Variants in ANXA5 observed in about 807,000 individuals in gnomAD.
ANXA5 encodes the protein CBP-I.
A neutral mutation model predicts 48.1 loss-of-function variants in ANXA5; 40 were observed. The ratio of observed to expected loss-of-function variants is 0.83; its 90% CI spans 0.65 to 1.08. ANXA5 has a LOEUF of 1.08. ANXA5 is among the 50% of genes least tolerant of loss of function. ANXA5 has a pLI of 0.00. For synonymous variants in ANXA5, 113 were observed against 129.1 expected, an observed-to-expected ratio of 0.88 and a Z score of 0.85; for missense variants, 357 against 376.8, an observed-to-expected ratio of 0.95 and a Z score of 0.44.
chr4:121,696,456 A>G, intron 2 of ANXA5, 125 bp downstream of exon 2: 1 of 870,664 alleles, frequency 1.1e-6, no homozygotes, highest in East Asian at 3.3e-5. Flanking sequence ...AGTGGAAGCG[A>G]TGTCCCCAAA....
intron 6 of ANXA5, chr4:121,681,212 AG>A (rs1254696696): frequency 6.6e-6 from 1 of 152,478 alleles, no homozygotes; most frequent in African/African-American, 2.4e-5. Context: ...CACTGCCATT[AG>A]CTAAGACAAC....
chr4:121,677,392 T>C (rs1724716724), intron 8 of ANXA5, among the ~76,000 whole-genome samples: 1 of 152,214 alleles, frequency 6.6e-6, no homozygotes, highest in Non-Finnish European at 1.5e-5. Context: ...GAAATTTTCA[T>C]TTGGAGTCAC....
At chr4:121,684,023 C>A (rs1203081228) in intron 4 of ANXA5, among the ~76,000 whole-genome samples, 5 of 150,714 alleles carry the variant, frequency 3.3e-5, no homozygotes, top group Non-Finnish European at 5.9e-5. Flanking sequence ...AAAAAAAAAA[C>A]ACAGTATTTC....
In ANXA5 at chr4:121,690,017, CAA is replaced by C. The variant is rs1377072111; in HGVS notation, c.10-3647_10-3646del. Among the ~76,000 whole-genome samples, 3 of 151,984 alleles carry C rather than the reference CAA, an allele frequency of 2.0e-5. No homozygotes were observed. In the East Asian group the frequency reaches 5.8e-4, roughly 29 times the overall value. ...AGCTGGAGGGGGCCACCACGCAAGA[CAA>C]TATTAATGGGGTGGAAAGAGCCAGA... On this transcript the variant is annotated intron_variant, in intron 2 of 12. Transcript: ENST00000296511.
Position 121,671,596 on chromosome 4 carries a change from G to A in ANXA5, c.672C>T (p.Thr224=), listed in dbSNP as rs532847147. The A allele has an allele frequency of 2.4e-5, 39 of 1,613,314 alleles. No individual in the cohort carries two copies. In the East Asian group the frequency reaches 4.7e-4, roughly 19 times the overall value. The change falls in exon 10 of 13, where the codon ACC becomes ACT. Residue 224 remains threonine (T), a synonymous_variant. Coordinates refer to ENST00000296511, the MANE Select transcript of ANXA5 (RefSeq NM_001154.4). ...MTISGFQIEE[T]IDRETSGNLE... ...AATTGCCAGAAGTCTCGCGGTCAAT[G>A]GTTTCCTCAATTTGAAATCCTGATA...
intron 6 of ANXA5, among the ~76,000 whole-genome samples, chr4:121,679,328 C>T (rs904014746): frequency 2.0e-5 from 3 of 152,072 alleles, no homozygotes; most frequent in African/African-American, 2.4e-5. Flanking sequence ...TTCTCCTGTC[C>T]CTGATTTATC....
rs1480024320 is a variant in ANXA5, at chr4:121,669,730, A to G, written c.781-6T>C. The G allele has an allele frequency of 9.9e-7, 1 of 1,006,104 alleles. No individual in the cohort carries two copies. Among genetic ancestry groups the G allele is most frequent in the African/African-American group, 1.8e-5 (1 of 55,394 alleles). 62.3% of individuals were successfully genotyped at this position (1,006,104 alleles called of 1,614,324 possible). On this transcript the variant is annotated splice_region_variant and splice_polypyrimidine_tract_variant and intron_variant, in intron 11 of 12. Coordinates refer to ENST00000296511, the MANE Select transcript of ANXA5 (RefSeq NM_001154.4). ...TGATCATCTGTCCCAGCTCCCTTTAAAAAAAAAAAAAAAGAGAGAAGCAAA... is the reference window on the plus strand; with the variant it reads ...TGATCATCTGTCCCAGCTCCCTTTAGAAAAAAAAAAAAAGAGAGAAGCAAA...
intron 5 of ANXA5, 133 bp from the exon 6 acceptor site, chr4:121,681,894 A>G: frequency 1.7e-6 from 1 of 586,982 alleles, no homozygotes; most frequent in Non-Finnish European, 3.0e-6. Context: ...TTCTTTGTAT[A>G]TGAGTTCTAT....
intron 7 of ANXA5, chr4:121,678,199 A>C: frequency 1.6e-6 from 1 of 608,426 alleles, no homozygotes. Context: ...ACAAGATACT[A>C]CTATCTAAAA....
intron 2 of ANXA5, among the ~76,000 whole-genome samples, chr4:121,693,497 T>G (rs754640245): frequency 2.6e-5 from 4 of 152,222 alleles, no homozygotes; most frequent in Non-Finnish European, 5.9e-5. Flanking sequence ...GTAAAAGCAC[T>G]GTTATATTTT....
At chr4:121,684,367 T>C (rs6842386) in intron 4 of ANXA5, among the ~76,000 whole-genome samples, 146,780 of 152,300 alleles carry the variant, frequency 0.96, 70,974 homozygotes, top group East Asian at 1. Flanking sequence ...ACCTAGAAAA[T>C]GGATAGTAAG....
chr4:121,684,588 G>A (rs1724846856), intron 4 of ANXA5, 89 bp downstream of exon 4: 2 of 1,085,564 alleles, frequency 1.8e-6, no homozygotes, highest in South Asian at 2.9e-5. Flanking sequence ...AATAAATGAT[G>A]CTTACAAAAG....
At chr4:121,691,535 G>T (rs184717035) in intron 2 of ANXA5, among the ~76,000 whole-genome samples, 2,591 of 121,116 alleles carry the variant, frequency 0.021, 31 homozygotes, top group East Asian at 0.08. Context: ...CTCAAATACC[G>T]CACCCTCCCC....
At chr4:121,672,134 C>G (rs1724623637) in intron 9 of ANXA5, among the ~76,000 whole-genome samples, 1 of 152,212 alleles carries the variant, frequency 6.6e-6, no homozygotes, top group Non-Finnish European at 1.5e-5. Context: ...TTTAAAGCCA[C>G]TATTAGGGTT....
intron 8 of ANXA5, among the ~76,000 whole-genome samples, chr4:121,673,447 G>A (rs1374722460): frequency 6.6e-6 from 1 of 152,154 alleles, no homozygotes; most frequent in African/African-American, 2.4e-5. Flanking sequence ...CAAGATGAAT[G>A]CAATTTGCTG....
intron 3 of ANXA5, among the ~76,000 whole-genome samples, chr4:121,685,818 C>G (rs1054430231): frequency 9.2e-5 from 14 of 152,140 alleles, no homozygotes; most frequent in African/African-American, 3.4e-4. Flanking sequence ...CTTATCGACT[C>G]GGGCCTCTAC....
chr4:121,690,705 G>A (rs1282773338), intron 2 of ANXA5, among the ~76,000 whole-genome samples: 1 of 152,152 alleles, frequency 6.6e-6, no homozygotes, highest in Non-Finnish European at 1.5e-5. Context: ...AAAGATATCT[G>A]ACACCAGAGA....
chr4:121,681,483 G>A, intron 6 of ANXA5, 188 bp downstream of exon 6: 2 of 488,512 alleles, frequency 4.1e-6, no homozygotes, highest in South Asian at 7.5e-5. Flanking sequence ...AAATAGTAGA[G>A]GATAACAAGG....
At chr4:121,693,214 A>G (rs527682507) in intron 2 of ANXA5, among the ~76,000 whole-genome samples, 1 of 152,122 alleles carries the variant, frequency 6.6e-6, no homozygotes, top group South Asian at 2.1e-4. Context: ...AGCCTGGACA[A>G]CAAAGCGAGA....
Sources: gnomAD v4.1 joint callset for allele counts (sites outside exome capture counted in the v4.1 genomes callset) on GRCh38, gnomAD v4.1.1 for gene constraint, MANE v1.5 for transcripts, NCBI Gene and HGNC (gene_info 2026-07-23, HGNC 2026-07-21) for gene names.